The following RBBP4 variants were observed in gnomAD, a reference collection of about 807,000 sequenced individuals.
RBBP4 encodes the protein RB binding protein 4, chromatin remodeling factor, also known as histone-binding protein RBBP4.
In RBBP4, 3 loss-of-function variants were observed where a neutral mutation model predicts 57.2. The ratio of observed to expected loss-of-function variants is 0.05; its 90% CI spans 0.02 to 0.14. The LOEUF is 0.14. Among genes scored for constraint, RBBP4 ranks in the 10% least tolerant of loss-of-function variants. RBBP4 has a pLI of 1.00. For synonymous variants in RBBP4, 151 were observed against 171.5 expected (o/e 0.88, Z 0.93); for missense variants, 107 against 520.6 (o/e 0.21, Z 7.73).
At position 32,669,392 on chromosome 1, in the gene RBBP4, T is replaced by C. The variant is rs61798955; in HGVS notation, c.888+35T>C. On this transcript the variant is annotated intron_variant, in intron 7 of 11. Transcript: ENST00000373493. This position sits in a 1 kb window ranked among gnomAD's most constrained non-coding sequence, Gnocchi z 4.9. ...GTTTATTTTAATAGAAAACATAATT[T>C]CTCTAGGTTTTTTTGAATTGCAGAG... is the stretch of plus-strand genomic sequence containing the variant. 10,107 of 1,574,070 alleles carry C rather than the reference T, an allele frequency of 6.4e-3. 65 individuals are homozygous for C. The highest frequency in any genetic ancestry group is 6.9e-3 in the Non-Finnish European group (8,028 of 1,167,574).
In RBBP4 at chr1:32,683,878, C is replaced by G; in HGVS notation, c.*4173C>G. The G allele has an allele frequency of 1.2e-6, 1 of 803,876 alleles. No homozygotes were observed. Among genetic ancestry groups the G allele is most frequent in the Non-Finnish European group, 2.0e-6 (1 of 501,874 alleles). The allele number at this position is 803,876 out of a possible 1,614,324, so 49.8% of individuals were successfully genotyped here. On this transcript the variant is annotated 3_prime_UTR_variant, in exon 12 of 12. Coordinates refer to ENST00000373493, the MANE Select transcript of RBBP4 (RefSeq NM_005610.3). ...GAACTCCTGACTCCAGGTGATCCACCCTCCTCAGCCTCCCAAAGTGCTAGG... is the reference window on the plus strand; with the variant it reads ...GAACTCCTGACTCCAGGTGATCCACGCTCCTCAGCCTCCCAAAGTGCTAGG...
Position 32,671,350 on chromosome 1 carries a change from C to T in RBBP4, c.967-1100C>T, listed in dbSNP as rs777907724. On this transcript the variant is annotated intron_variant, in intron 8 of 11. Transcript: ENST00000373493. Reference sequence around the variant, plus strand: ...CTGTAATCTCAGCGCTTTGGGAGGCCGAGGCGGGTGGATCATGAGGTCAGG... The same window carrying T: ...CTGTAATCTCAGCGCTTTGGGAGGCTGAGGCGGGTGGATCATGAGGTCAGG... 3.3e-5 allele frequency among the ~76,000 whole-genome samples: 5 copies of T among 152,040 alleles called. No individual in the cohort carries two copies. The South Asian group carries it at 6.2e-4, about 19-fold the overall frequency.
intron 8 of RBBP4, among the ~76,000 whole-genome samples, chr1:32,670,317 C>G (rs1287597913): frequency 6.6e-6 from 1 of 152,156 alleles, no homozygotes; most frequent in African/African-American, 2.4e-5. Context: ...GTGTTGATTT[C>G]TCAACCCAAG....
At chr1:32,651,491 C>T (rs12407673) in intron 1 of RBBP4, 169 bp downstream of exon 1, 50,834 of 1,361,620 alleles carry the variant, frequency 0.037, 1,342 homozygotes, top group Admixed American at 0.12. Flanking sequence ...CGCCAGTTCC[C>T]TGGGACCGAT....
intron 11 of RBBP4, among the ~76,000 whole-genome samples, chr1:32,676,606 C>T (rs1649110869): frequency 1.1e-5 from 1 of 88,704 alleles, no homozygotes; most frequent in African/African-American, 4.2e-5. Flanking sequence ...GAGCAAAACT[C>T]CATCTCAAAA....
rs1045214191 is a variant in RBBP4, at chr1:32,680,091, A to G, written c.*386A>G. On this transcript the variant is annotated 3_prime_UTR_variant, in exon 12 of 12. Transcript: ENST00000373493. ...GTAGGTGTCTGAGCCATGAAGTATAAATACTGAAAGATGTCACTTTTATTC... is the reference window on the plus strand; with the variant it reads ...GTAGGTGTCTGAGCCATGAAGTATAGATACTGAAAGATGTCACTTTTATTC... 1.2e-4 allele frequency: 128 copies of G among 1,066,730 alleles called. No individual in the cohort carries two copies. The highest frequency in any genetic ancestry group is 1.4e-4 in the Non-Finnish European group (122 of 883,460). The allele number at this position is 1,066,730 out of a possible 1,614,324, so 66.1% of individuals were successfully genotyped here. A position where few individuals can be genotyped will look rare whatever the true frequency, so the allele number is the denominator to read the frequency against.
chr1:32,658,742 T>A (rs1215068855), intron 3 of RBBP4, among the ~76,000 whole-genome samples: 2 of 151,866 alleles, frequency 1.3e-5, no homozygotes, highest in Non-Finnish European at 2.9e-5. Context: ...GAGACAGGGT[T>A]TCATCATGTT....
At chr1:32,651,613 C>T (rs980972533) in intron 1 of RBBP4, 73 of 864,178 alleles carry the variant, frequency 8.4e-5, no homozygotes, top group Non-Finnish European at 1.0e-4. Context: ...GACACCGCTT[C>T]CTACCCACAA....
intron 3 of RBBP4, 129 bp from the exon 4 acceptor site, chr1:32,668,095 GT>G: frequency 2.5e-6 from 2 of 811,652 alleles, no homozygotes; most frequent in Non-Finnish European, 3.8e-6. Context: ...GCTAGCAAAT[GT>G]ATAGATTACA....
Position 32,651,966 on chromosome 1 carries a change from A to T in RBBP4, c.69A>T (p.Ile23=). 6.2e-7 allele frequency: 1 copy of T among 1,614,004 alleles called. No individual in the cohort carries two copies. The part of the protein sequence containing the change: ...EERVINEEYK[I]WKKNTPFLYD... ...GAGTGATCAACGAGGAATACAAAAT[A>T]TGGAAAAAGAACACCCCTTTTCTTT... The change falls in exon 2 of 12, where the codon ATA becomes ATT. Residue 23 remains isoleucine, a synonymous_variant. Coordinates refer to ENST00000373493, the MANE Select transcript of RBBP4 (RefSeq NM_005610.3).
In RBBP4 at chr1:32,681,813, T is replaced by C. The variant is rs769846031; in HGVS notation, c.*2108T>C. On this transcript the variant is annotated 3_prime_UTR_variant, in exon 12 of 12. Transcript: ENST00000373493. ...TTAGTGATCCTTTGCTAAGAAGTTT[T>C]TTGCTGTTTCCGGGTTACAGATTTG... is the stretch of plus-strand genomic sequence containing the variant. 2.9e-5 allele frequency: 47 copies of C among 1,614,176 alleles called. No homozygotes were observed. The South Asian group carries it at 4.0e-4, about 14-fold the overall frequency.
rs747203316 is a variant in RBBP4 at position 32,657,478 on chromosome 1, A to G, written c.216A>G (p.Thr72=). 3.1e-6 allele frequency: 5 copies of G among 1,613,916 alleles called. No homozygotes were observed. The highest frequency in any genetic ancestry group is 2.7e-5 in the African/African-American group (2 of 74,914). Residue 72 remains threonine, a synonymous_variant, in exon 3 of 12, where the codon ACA becomes ACG. Coordinates refer to ENST00000373493, the MANE Select transcript of RBBP4 (RefSeq NM_005610.3). ...ATCGACTTGTCCTGGGGACACACAC[A>G]TCGGATGAACAAAACCATCTTGTTA... The part of the protein sequence containing the change: ...SIHRLVLGTH[T]SDEQNHLVIA...
rs138051270 is a variant in RBBP4 at position 32,682,129 on chromosome 1, C to T, written c.*2424C>T. 9.2e-4 allele frequency: 407 copies of T among 443,830 alleles called. 1 individual carries two copies. The highest frequency in any genetic ancestry group is 7.5e-3 in the African/African-American group (375 of 50,244). 27.5% of individuals were successfully genotyped at this position (443,830 alleles called of 1,614,324 possible). ...TGTAGTTTCATTTCTTTGGATTAGTCGTTGTCTTTTCCAGATTGTACACAA... is the reference window on the plus strand; with the variant it reads ...TGTAGTTTCATTTCTTTGGATTAGTTGTTGTCTTTTCCAGATTGTACACAA... On this transcript the variant is annotated 3_prime_UTR_variant, in exon 12 of 12. Coordinates refer to ENST00000373493, the MANE Select transcript of RBBP4 (RefSeq NM_005610.3).
At chr1:32,662,527 C>T (rs1648469133) in intron 3 of RBBP4, among the ~76,000 whole-genome samples, 1 of 151,868 alleles carries the variant, frequency 6.6e-6, no homozygotes, top group Admixed American at 6.6e-5. Context: ...CAGGCATGCA[C>T]CACCACACCC....
Position 32,680,102 on chromosome 1 carries a change from A to G in RBBP4, c.*397A>G. The G allele has an allele frequency of 9.4e-7, 1 of 1,063,650 alleles. No individual in the cohort carries two copies. Among genetic ancestry groups the G allele is most frequent in the Non-Finnish European group, 1.1e-6 (1 of 881,282 alleles). The allele number at this position is 1,063,650 out of a possible 1,614,324, so 65.9% of individuals were successfully genotyped here. On this transcript the variant is annotated 3_prime_UTR_variant, in exon 12 of 12. Transcript: ENST00000373493. ...AGCCATGAAGTATAAATACTGAAAG[A>G]TGTCACTTTTATTCAGGAAATAGGG...
chr1:32,672,349 C>CT, intron 8 of RBBP4, 101 bp from the exon 9 acceptor site: 1 of 921,680 alleles, frequency 1.1e-6, no homozygotes, highest in Non-Finnish European at 1.6e-6. Flanking sequence ...CTTCCTCTTC[C>CT]CTTTTATTTA....
In RBBP4 at chr1:32,652,393, T is replaced by G. The variant is rs111538978; in HGVS notation, c.164+332T>G. Reference sequence around the variant, plus strand: ...ATGGCCAGGAGCAGTGGCTCACACTTGGAATCCGAGCACTTTGGGAGGCCC... The same window carrying G: ...ATGGCCAGGAGCAGTGGCTCACACTGGGAATCCGAGCACTTTGGGAGGCCC... On this transcript the variant is annotated intron_variant, in intron 2 of 11. Transcript: ENST00000373493. The G allele has an allele frequency of 2.4e-3, 510 of 215,064 alleles. 2 individuals carry two copies. The highest frequency in any genetic ancestry group is 0.011 in the African/African-American group (468 of 43,386). The allele number at this position is 215,064 out of a possible 1,614,324, so 13.3% of individuals were successfully genotyped here. A position where few individuals can be genotyped will look rare whatever the true frequency, so the allele number is the denominator to read the frequency against.
At chr1:32,661,540 T>C (rs373707714) in intron 3 of RBBP4, among the ~76,000 whole-genome samples, 1 of 152,028 alleles carries the variant, frequency 6.6e-6, no homozygotes, top group African/African-American at 2.4e-5. Context: ...GTGATCCACC[T>C]GCGTCAGCCT....
chr1:32,676,324 G>A (rs1352423145), intron 11 of RBBP4, among the ~76,000 whole-genome samples: 2 of 151,966 alleles, frequency 1.3e-5, no homozygotes, highest in African/African-American at 4.8e-5. Context: ...CTGATTACTG[G>A]CCAGGTGTGG....
Sources: allele counts gnomAD v4.1 joint callset (sites outside exome capture counted in the v4.1 genomes callset), GRCh38; gene constraint gnomAD v4.1.1; non-coding constraint Gnocchi (gnomAD v3.1); transcripts MANE v1.5; gene names NCBI Gene and HGNC (gene_info 2026-07-23, HGNC 2026-07-21).